The following AHSG variants were observed in gnomAD, a reference collection of about 807,000 sequenced individuals.
AHSG encodes the protein alpha-2-HS-glycoprotein.
A neutral mutation model predicts 30.1 loss-of-function variants in AHSG; 23 were observed. The observed-to-expected ratio is 0.76, with a 90% CI of 0.55 to 1.08. AHSG has a LOEUF of 1.08. AHSG is among the 50% of genes least tolerant of loss of function. The probability of loss-of-function intolerance (pLI) is 0.00; values close to 1 mark genes in which losing one functional copy is unlikely to be tolerated. For missense variants in AHSG, 469 were observed against 459.5 expected, an observed-to-expected ratio of 1.02 and a Z score of -0.19; for synonymous variants, 164 against 186.3, an observed-to-expected ratio of 0.88 and a Z score of 0.98.
rs750328046 is a variant in AHSG, at chr3:186,615,775, G to A, written c.304G>A (p.Val102Met). ...LDPTPVARCS[V>M]RQLKEHAVEG... ...CCCCACCCCTGTGGCAAGATGCAGC[G>A]TGAGGCAGCTGAAGGAGCATGTGAG... The change falls in exon 2 of 7, where the codon GTG (valine) becomes ATG (methionine). Residue 102 changes from valine to methionine, a missense_variant. Transcript: ENST00000411641. The A allele has an allele frequency of 1.1e-5, 17 of 1,614,132 alleles. No homozygotes were observed. The highest frequency in any genetic ancestry group is 1.6e-4 in the Middle Eastern group (1 of 6,084).
intron 3 of AHSG, 134 bp from the exon 4 acceptor site, chr3:186,617,053 T>C (rs1716324827): frequency 6.7e-7 from 1 of 1,495,596 alleles, no homozygotes; most frequent in Non-Finnish European, 8.9e-7. Flanking sequence ...CAAAAGCCTT[T>C]TGAAGGTTTA....
chr3:186,617,144 G>T, intron 3 of AHSG, 43 bp from the exon 4 acceptor site: 1 of 1,579,388 alleles, frequency 6.3e-7, no homozygotes, highest in African/African-American at 1.3e-5. Context: ...GGCCATGCCA[G>T]GGAGAATGGC....
At chr3:186,619,366 T>G (rs1314727178) in intron 5 of AHSG, among the ~76,000 whole-genome samples, 3 of 152,202 alleles carry the variant, frequency 2.0e-5, no homozygotes, top group Non-Finnish European at 4.4e-5. Context: ...AAATGATTTA[T>G]TATGGATATA....
chr3:186,618,898 A>C (rs1716392599), intron 5 of AHSG, among the ~76,000 whole-genome samples: 1 of 152,172 alleles, frequency 6.6e-6, no homozygotes, highest in Non-Finnish European at 1.5e-5. Flanking sequence ...AGTCACGCCC[A>C]CCCACTGGGA....
chr3:186,620,130 C>T (rs772342633), intron 6 of AHSG, among the ~76,000 whole-genome samples, 190 bp downstream of exon 6: 1 of 152,214 alleles, frequency 6.6e-6, no homozygotes, highest in Non-Finnish European at 1.5e-5. Context: ...TTCCCTCCCA[C>T]GAACTAGTGA....
intron 1 of AHSG, among the ~76,000 whole-genome samples, chr3:186,615,223 A>G (rs1716261364): frequency 6.6e-6 from 1 of 152,200 alleles, no homozygotes; most frequent in Non-Finnish European, 1.5e-5. Flanking sequence ...AGGAGATTAA[A>G]AAAAGACAGT....
intron 2 of AHSG, 90 bp downstream of exon 2, chr3:186,615,885 AG>A: frequency 2.5e-6 from 3 of 1,209,924 alleles, no homozygotes; most frequent in Non-Finnish European, 3.6e-6. Context: ...TTGGCTAGCC[AG>A]GGTGCAGTTT....
chr3:186,615,616 G>A (rs1052231247), intron 1 of AHSG, 69 bp from the exon 2 acceptor site: 1 of 1,265,112 alleles, frequency 7.9e-7, no homozygotes. Flanking sequence ...CAATGAGGGC[G>A]CATACCGTGG....
At chr3:186,617,086 GA>G in intron 3 of AHSG, 100 bp from the exon 4 acceptor site, 1 of 1,517,242 alleles carries the variant, frequency 6.6e-7, no homozygotes, top group South Asian at 1.3e-5. Context: ...GAAAGTGCCT[GA>G]AGCTATCTGG....
In AHSG at chr3:186,613,294, C is replaced by A. The variant is rs1370174701; in HGVS notation, c.153C>A (p.Asn51Lys). Residue 51 changes from asparagine (N) to lysine (K), a missense_variant, in exon 1 of 7, where the codon AAC becomes AAA. Coordinates refer to ENST00000411641, the MANE Select transcript of AHSG (RefSeq NM_001622.4). ...TGGCTATAGACTACATCAATCAAAACCTTCCTTGGGGATACAAACACACCT... is the reference window on the plus strand; with the variant it reads ...TGGCTATAGACTACATCAATCAAAAACTTCCTTGGGGATACAAACACACCT... ...ALVAIDYINQNLPWGYKHTLN... is the reference protein window; with the variant it reads ...ALVAIDYINQKLPWGYKHTLN... The A allele has an allele frequency of 6.2e-7, 1 of 1,614,178 alleles. No homozygotes were observed.
rs1579011876 is a variant in AHSG at position 186,615,681 on chromosome 3, A to T, written c.214-4A>T. On this transcript the variant is annotated splice_polypyrimidine_tract_variant and splice_region_variant and intron_variant, in intron 1 of 6. Transcript: ENST00000411641. ...GCTCACGGCTTCACTCTTTGTCTCC[A>T]CAGCAGCCCTCCGGAGAGCTGTTTG... 1 of 1,613,074 alleles carries T rather than the reference A, an allele frequency of 6.2e-7. No homozygotes were observed. Among genetic ancestry groups the T allele is most frequent in the Admixed American group, 1.7e-5 (1 of 60,026 alleles).
At chr3:186,613,438 G>A in intron 1 of AHSG, 84 bp downstream of exon 1, 1 of 1,263,728 alleles carries the variant, frequency 7.9e-7, no homozygotes, top group Non-Finnish European at 1.1e-6. Flanking sequence ...ATCACCCAGT[G>A]CAAATGAAAC....
chr3:186,616,979 T>G lies in AHSG; in HGVS notation c.410-208T>G, dbSNP rs189415641. Among the ~76,000 whole-genome samples, 8 of 152,276 alleles carry G rather than the reference T, an allele frequency of 5.3e-5. No individual in the cohort carries two copies. The East Asian group carries it at 1.5e-3, about 29-fold the overall frequency. On this transcript the variant is annotated intron_variant, in intron 3 of 6. Transcript: ENST00000411641. ...ACCCTGTCTCAAAAAAATAAGAAGTTATTCTTACTGGAAGTGAAAATTGCC... is the reference window on the plus strand; with the variant it reads ...ACCCTGTCTCAAAAAAATAAGAAGTGATTCTTACTGGAAGTGAAAATTGCC...
rs200127682 is a variant in AHSG, at chr3:186,620,712, G to T, written c.886G>T (p.Asp296Tyr). 75 of 1,614,144 alleles carry T rather than the reference G, an allele frequency of 4.6e-5. No individual in the cohort carries two copies. Among genetic ancestry groups the T allele is most frequent in the Non-Finnish European group, 5.8e-5 (68 of 1,180,014 alleles). Reference sequence around the variant, plus strand: ...ACTCCCTCCAGCTGGCTCACCCCCAGACTCCCATGTGTTACTGGCAGCTCC... The same window carrying T: ...ACTCCCTCCAGCTGGCTCACCCCCATACTCCCATGTGTTACTGGCAGCTCC... ...PGLPPAGSPP[D>Y]SHVLLAAPPG... is the part of the protein sequence containing the mutation. Residue 296 changes from aspartate (D) to tyrosine (Y), a missense_variant, in exon 7 of 7, where the codon GAC (aspartate) becomes TAC (tyrosine). Asp to Tyr is a radical substitution (Grantham distance 160). Coordinates refer to ENST00000411641, the MANE Select transcript of AHSG (RefSeq NM_001622.4).
At chr3:186,620,182 C>A (rs1237562676) in intron 6 of AHSG, among the ~76,000 whole-genome samples, 1 of 152,198 alleles carries the variant, frequency 6.6e-6, no homozygotes, top group Non-Finnish European at 1.5e-5. Context: ...GACAAAGCCA[C>A]CTTTTTATTT....
chr3:186,616,320 G>C (rs1716303150), intron 2 of AHSG, 123 bp from the exon 3 acceptor site: 1 of 643,068 alleles, frequency 1.6e-6, no homozygotes, highest in Admixed American at 2.9e-5. Context: ...AGAGTGCCAT[G>C]TTTCAGTATT....
At position 186,620,987 on chromosome 3, in the gene AHSG, C is replaced by T; in HGVS notation, c.*57C>T. The stretch of plus-strand genomic sequence containing the variant: ...ACAGAAAACATAGCCACCATTTTGT[C>T]CAAGCCTGGGCATGGGTGGGGGGCC... On this transcript the variant is annotated 3_prime_UTR_variant, in exon 7 of 7. Transcript: ENST00000411641. 1 of 1,544,362 alleles carries T rather than the reference C, an allele frequency of 6.5e-7. No individual in the cohort carries two copies. Among genetic ancestry groups the T allele is most frequent in the Non-Finnish European group, 8.8e-7 (1 of 1,135,176 alleles).
rs775683987 is a variant in AHSG, at chr3:186,613,350, C to T, written c.209C>T (p.Pro70Leu). ...CAGATTGATGAAGTAAAGGTGTGGC[C>T]TCAGGTAAGTGGACCTGCTGTCTAT... ...LNQIDEVKVW[P>L]QQPSGELFEI... Residue 70 changes from proline (P) to leucine (L), a missense_variant, in exon 1 of 7, where the codon CCT (proline) becomes CTT (leucine). Physicochemically the swap from Pro to Leu is moderately conservative, Grantham distance 98. Transcript: ENST00000411641. The T allele has an allele frequency of 6.2e-7, 1 of 1,611,450 alleles. No homozygotes were observed. The highest frequency in any genetic ancestry group is 8.5e-7 in the Non-Finnish European group (1 of 1,178,546).
At chr3:186,617,415 TG>T (rs1032507181) in intron 4 of AHSG, 65 bp downstream of exon 4, 2 of 1,612,972 alleles carry the variant, frequency 1.2e-6, no homozygotes, top group African/African-American at 2.7e-5. Flanking sequence ...GTACTGTACG[TG>T]GTGGAGCGGG....
Sources: gnomAD v4.1 joint callset for allele counts (sites outside exome capture counted in the v4.1 genomes callset) on GRCh38, gnomAD v4.1.1 for gene constraint, MANE v1.5 for transcripts, NCBI Gene and HGNC (gene_info 2026-07-23, HGNC 2026-07-21) for gene names.